Variants in FOXN3 observed in about 807,000 individuals in gnomAD.
The protein encoded by FOXN3 is forkhead box N3.
FOXN3 carries 7 observed loss-of-function variants against 38.4 expected under a neutral mutation model. The observed-to-expected ratio is 0.18, with a 90% CI of 0.10 to 0.34. The LOEUF is 0.34. Among genes scored for constraint, FOXN3 ranks in the 10% least tolerant of loss-of-function variants. The pLI is 1.00. For missense variants in FOXN3, 456 were observed against 613.4 expected (o/e 0.74, Z 2.71); for synonymous variants, 230 against 242.2 (o/e 0.95, Z 0.47).
intron 2 of FOXN3, among the ~76,000 whole-genome samples, chr14:89,370,720 G>A (rs557956487): frequency 6.6e-6 from 1 of 152,176 alleles, no homozygotes; most frequent in African/African-American, 2.4e-5. Context: ...CATTCTTCTG[G>A]AATTATCTAC....
upstream of FOXN3, among the ~76,000 whole-genome samples, chr14:89,421,978 C>CA (rs1891923584): frequency 6.6e-6 from 1 of 152,180 alleles, no homozygotes; most frequent in African/African-American, 2.4e-5. Context: ...CTCCTAGACT[C>CA]AAACAATCCT....
chr14:89,411,821 C>G (rs952466042), intron 2 of FOXN3, 113 bp downstream of exon 2: 1 of 616,950 alleles, frequency 1.6e-6, no homozygotes, highest in African/African-American at 1.9e-5. Context: ...TAGACTAAAA[C>G]CCACTTACAA....
intron 4 of FOXN3, among the ~76,000 whole-genome samples, chr14:89,276,408 A>G (rs1886302644): frequency 6.6e-6 from 1 of 152,242 alleles, no homozygotes; most frequent in African/African-American, 2.4e-5. Flanking sequence ...CCAATACTAT[A>G]GTGACGGAGA....
At chr14:89,516,116 G>A (rs1266256930) in intron 1 of FOXN3, among the ~76,000 whole-genome samples, 3 of 149,218 alleles carry the variant, frequency 2.0e-5, no homozygotes, top group Non-Finnish European at 4.5e-5. Flanking sequence ...ATCTTGGGGA[G>A]GCAGCGTACA....
chr14:89,411,066 T>C (rs994114104), intron 2 of FOXN3, among the ~76,000 whole-genome samples: 64 of 152,180 alleles, frequency 4.2e-4, no homozygotes, highest in African/African-American at 1.5e-3. Context: ...CATTGCCACC[T>C]GAGCTCCACC....
intron 4 of FOXN3, among the ~76,000 whole-genome samples, chr14:89,265,674 A>T (rs1356649201): frequency 6.6e-6 from 1 of 152,056 alleles, no homozygotes; most frequent in Non-Finnish European, 1.5e-5. Context: ...CAAATCATAG[A>T]CCCCAAAAAG....
chr14:89,232,542 C>T (rs1228570368), intron 4 of FOXN3, among the ~76,000 whole-genome samples: 3 of 152,186 alleles, frequency 2.0e-5, no homozygotes, highest in African/African-American at 4.8e-5. Flanking sequence ...CGTGCCTACG[C>T]GGGCTGAAAG....
Position 89,164,167 on chromosome 14 carries a change from G to A in FOXN3, c.852-1198C>T, listed in dbSNP as rs1329196810. Among the ~76,000 whole-genome samples, 1 of 152,218 alleles carries A rather than the reference G, an allele frequency of 6.6e-6. No individual in the cohort carries two copies. Among genetic ancestry groups the A allele is most frequent in the African/African-American group, 2.4e-5 (1 of 41,444 alleles). On this transcript the variant is annotated intron_variant, in intron 5 of 5. Transcript: ENST00000557258. This position sits in a 1 kb window ranked among gnomAD's most constrained non-coding sequence, Gnocchi z 4.3. ...CCTGGTTAGGACCCATGCTCCTTAT[G>A]TCTGGGAGGCAGCTGCCTGTCTGTT...
chr14:89,542,710 G>A (rs1007450022), intron 1 of FOXN3, among the ~76,000 whole-genome samples: 1 of 152,186 alleles, frequency 6.6e-6, no homozygotes, highest in Non-Finnish European at 1.5e-5. Flanking sequence ...TATAATTTGA[G>A]ATGCAAGTGC....
chr14:89,335,879 C>T (rs1888437660), intron 3 of FOXN3, among the ~76,000 whole-genome samples: 1 of 151,894 alleles, frequency 6.6e-6, no homozygotes. Flanking sequence ...AAAACAAATA[C>T]ATATAAGAAA....
At chr14:89,544,567 T>C (rs1157859353) in intron 1 of FOXN3, among the ~76,000 whole-genome samples, 3 of 152,128 alleles carry the variant, frequency 2.0e-5, no homozygotes, top group African/African-American at 2.4e-5. Flanking sequence ...AGGTAAGACC[T>C]TGGGCCAGGC....
Position 89,467,309 on chromosome 14 carries a change from T to C in FOXN3, c.-14-54819A>G, listed in dbSNP as rs528063883. Among the ~76,000 whole-genome samples, 18 of 152,264 alleles carry C rather than the reference T, an allele frequency of 1.2e-4. No individual in the cohort carries two copies. The South Asian group carries it at 3.5e-3, about 30-fold the overall frequency. ...ACCACCTGCTGTAACTCTGAGATCC[T>C]TGTGGGCAGGAAACATGGCTTCATT... On this transcript the variant is annotated intron_variant, in intron 1 of 6. Transcript: ENST00000345097.
At chr14:89,181,513 C>T (rs1024701770) in intron 4 of FOXN3, among the ~76,000 whole-genome samples, 7 of 152,230 alleles carry the variant, frequency 4.6e-5, no homozygotes, top group East Asian at 1.9e-4. Flanking sequence ...AGGCGATCCT[C>T]GTGGCCTGAG....
chr14:89,336,020 G>A (rs1025487888), intron 3 of FOXN3, among the ~76,000 whole-genome samples: 1 of 152,080 alleles, frequency 6.6e-6, no homozygotes, highest in Admixed American at 6.6e-5. Context: ...ATAATATGGT[G>A]AGGTTTGACT....
At chr14:89,498,704 GA>G (rs1176994969) in intron 1 of FOXN3, among the ~76,000 whole-genome samples, 1 of 151,488 alleles carries the variant, frequency 6.6e-6, no homozygotes, top group Non-Finnish European at 1.5e-5. Flanking sequence ...CCAGAACGCA[GA>G]ATTGTTTCTA....
chr14:89,178,275 T>C (rs965721679), intron 5 of FOXN3, among the ~76,000 whole-genome samples: 2 of 152,092 alleles, frequency 1.3e-5, no homozygotes, highest in South Asian at 4.1e-4. Context: ...CCTCTCAGTG[T>C]TGGGATTACA....
intron 1 of FOXN3, among the ~76,000 whole-genome samples, chr14:89,523,078 T>C (rs1427612664): frequency 1.3e-5 from 2 of 152,160 alleles, no homozygotes; most frequent in African/African-American, 2.4e-5. Flanking sequence ...CCTATTAATA[T>C]CAAGGTAGAT....
chr14:89,523,368 CA>C (rs1775246208), intron 1 of FOXN3, among the ~76,000 whole-genome samples: 1 of 152,034 alleles, frequency 6.6e-6, no homozygotes, highest in South Asian at 2.1e-4. Context: ...GGGCTAATAC[CA>C]AAAACACTAC....
intron 4 of FOXN3, among the ~76,000 whole-genome samples, chr14:89,203,902 G>T (rs1053871428): frequency 6.6e-6 from 1 of 152,146 alleles, no homozygotes; most frequent in African/African-American, 2.4e-5. Flanking sequence ...AAGAAAGCCA[G>T]CATTGGTGCT....
Sources: allele counts gnomAD v4.1 joint callset (sites outside exome capture counted in the v4.1 genomes callset), GRCh38; gene constraint gnomAD v4.1.1; non-coding constraint Gnocchi (gnomAD v3.1); transcripts MANE v1.5; gene names NCBI Gene and HGNC (gene_info 2026-07-23, HGNC 2026-07-21).